The following ME1 variants were observed in gnomAD, a reference collection of about 807,000 sequenced individuals.
ME1 encodes the protein NADP-dependent malic enzyme.
ME1 carries 74 observed loss-of-function variants against 66.4 expected under a neutral mutation model. The ratio of observed to expected loss-of-function variants is 1.11; its 90% CI spans 0.92 to 1.35. The LOEUF is 1.35. Ranked by LOEUF, ME1 falls within the 40% of genes most tolerant of loss-of-function variation. ME1 has a pLI of 0.00. For missense variants in ME1, 750 were observed against 694.1 expected (o/e 1.08, Z -0.90); for synonymous variants, 251 against 235.6 (o/e 1.07, Z -0.60).
chr6:83,324,127 C>A (rs974588241), intron 5 of ME1, among the ~76,000 whole-genome samples: 4 of 151,924 alleles, frequency 2.6e-5, no homozygotes, highest in South Asian at 4.2e-4. Flanking sequence ...TAAATAAGTT[C>A]TTTGAAACCA....
At chr6:83,348,435 C>G (rs1330631471) in intron 4 of ME1, among the ~76,000 whole-genome samples, 3 of 152,066 alleles carry the variant, frequency 2.0e-5, no homozygotes, top group African/African-American at 4.8e-5. Flanking sequence ...CCTATACTTA[C>G]AAATATTTTT....
chr6:83,425,210 G>A (rs1214970509), intron 1 of ME1, among the ~76,000 whole-genome samples: 1 of 151,736 alleles, frequency 6.6e-6, no homozygotes, highest in African/African-American at 2.4e-5. Flanking sequence ...TTCCCAGTCT[G>A]GTCTTGAACT....
chr6:83,323,618 A>C (rs1455249674), intron 5 of ME1, among the ~76,000 whole-genome samples: 6 of 152,226 alleles, frequency 3.9e-5, no homozygotes, highest in Non-Finnish European at 8.8e-5. Context: ...TAAAGGGATC[A>C]ATTCAACAAG....
intron 5 of ME1, among the ~76,000 whole-genome samples, chr6:83,325,091 T>C (rs1366239417): frequency 6.6e-6 from 1 of 152,164 alleles, no homozygotes. Flanking sequence ...ATCCATCACA[T>C]AAACAGAACC....
chr6:83,282,811 TA>T (rs1205500124), intron 6 of ME1, among the ~76,000 whole-genome samples: 1 of 152,184 alleles, frequency 6.6e-6, no homozygotes, highest in East Asian at 1.9e-4. Context: ...CATGCACATG[TA>T]TGTTTGCTGC....
chr6:83,344,969 TA>T (rs1768660769), intron 5 of ME1, among the ~76,000 whole-genome samples: 1 of 151,882 alleles, frequency 6.6e-6, no homozygotes, highest in Admixed American at 6.6e-5. Flanking sequence ...AATATATTTT[TA>T]AAATAAAGAA....
At chr6:83,393,643 A>G (rs988717082) in intron 3 of ME1, among the ~76,000 whole-genome samples, 3 of 152,028 alleles carry the variant, frequency 2.0e-5, no homozygotes, top group South Asian at 2.1e-4. Context: ...TGAGATTTCT[A>G]TCGACTTCAA....
intron 7 of ME1, among the ~76,000 whole-genome samples, chr6:83,246,100 T>C (rs1197900213): frequency 6.6e-6 from 1 of 152,142 alleles, no homozygotes; most frequent in Non-Finnish European, 1.5e-5. Context: ...AGAATGTCAT[T>C]GATATGAGAT....
At chr6:83,421,550 G>A (rs954423478) in intron 1 of ME1, among the ~76,000 whole-genome samples, 4 of 152,280 alleles carry the variant, frequency 2.6e-5, no homozygotes, top group Admixed American at 6.5e-5. Context: ...TCTAAAGTAC[G>A]ACAAAACCAG....
intron 7 of ME1, among the ~76,000 whole-genome samples, chr6:83,250,110 T>A (rs1342006066): frequency 3.3e-5 from 5 of 152,104 alleles, no homozygotes; most frequent in Non-Finnish European, 7.4e-5. Flanking sequence ...CAATGTCTGC[T>A]GACTGAATCC....
chr6:83,363,883 T>C (rs1399783005), intron 3 of ME1, among the ~76,000 whole-genome samples: 1 of 152,230 alleles, frequency 6.6e-6, no homozygotes, highest in Non-Finnish European at 1.5e-5. Flanking sequence ...GGTGCATTTC[T>C]AGTTGTAGGA....
chr6:83,357,935 C>CTCTCTCTCTATATATATATATATA (rs1447805761), intron 3 of ME1, among the ~76,000 whole-genome samples: 1 of 30,038 alleles, frequency 3.3e-5, no homozygotes, highest in Non-Finnish European at 5.9e-5. Context: ...CTCTCTCTCT[C>CTCTCTCTCTATATATATATATATA]TATATATATA....
rs1278490120 is a variant in ME1 at position 83,243,650 on chromosome 6, A to G, written c.815-4014T>C. On this transcript the variant is annotated intron_variant, in intron 7 of 13. Coordinates refer to ENST00000369705, the MANE Select transcript of ME1 (RefSeq NM_002395.6). ...TATTATAATTACATTATATCGATAT[A>G]ATCTATTATAATTACATTATATCGA... 2.1e-4 allele frequency among the ~76,000 whole-genome samples: 25 copies of G among 116,558 alleles called. 4 individuals carry two copies. Among genetic ancestry groups the G allele is most frequent in the African/African-American group, 6.5e-4 (17 of 26,240 alleles). 76.5% of individuals were successfully genotyped at this position (116,558 alleles called of 152,430 possible). A position where few individuals can be genotyped will look rare whatever the true frequency, so the allele number is the denominator to read the frequency against.
At chr6:83,346,784 A>G (rs1562486588) in intron 4 of ME1, among the ~76,000 whole-genome samples, 1 of 152,008 alleles carries the variant, frequency 6.6e-6, no homozygotes, top group East Asian at 1.9e-4. Context: ...TCCTGGCCCT[A>G]TCCTCCTATT....
At chr6:83,403,722 A>G (rs2128551338) in intron 2 of ME1, among the ~76,000 whole-genome samples, 1 of 152,118 alleles carries the variant, frequency 6.6e-6, no homozygotes, top group East Asian at 1.9e-4. Context: ...TCATTGTTCA[A>G]TTCCCACTTA....
intron 5 of ME1, among the ~76,000 whole-genome samples, chr6:83,316,381 T>C (rs1009203479): frequency 7.9e-5 from 12 of 152,154 alleles, no homozygotes; most frequent in African/African-American, 2.4e-4. Flanking sequence ...TACCCATTCA[T>C]AACAAAAGCT....
intron 6 of ME1, among the ~76,000 whole-genome samples, chr6:83,300,137 C>T (rs148831852): frequency 0.038 from 5,790 of 152,178 alleles, 377 homozygotes; most frequent in African/African-American, 0.13. Flanking sequence ...CAAAAACAAG[C>T]AATGGGGAGA....
intron 3 of ME1, among the ~76,000 whole-genome samples, chr6:83,396,688 A>T (rs1489637614): frequency 6.6e-6 from 1 of 152,224 alleles, no homozygotes; most frequent in Non-Finnish European, 1.5e-5. Flanking sequence ...CAAAAAGAAC[A>T]AAGCTAGAGG....
At chr6:83,398,089 T>C (rs1769771657) in intron 3 of ME1, among the ~76,000 whole-genome samples, 2 of 152,132 alleles carry the variant, frequency 1.3e-5, no homozygotes. Context: ...TAGTGACTAT[T>C]GCTAAGGATA....
Sources: gnomAD v4.1 joint callset for allele counts (sites outside exome capture counted in the v4.1 genomes callset) on GRCh38, gnomAD v4.1.1 for gene constraint, MANE v1.5 for transcripts, NCBI Gene and HGNC (gene_info 2026-07-23, HGNC 2026-07-21) for gene names.